STXBP4: variants seen among roughly 807,000 people sequenced by gnomAD.
The protein encoded by STXBP4 is syntaxin binding protein 4, also known as syntaxin-binding protein 4.
STXBP4 carries 55 observed loss-of-function variants against 76.1 expected under a neutral mutation model. The ratio of observed to expected loss-of-function variants is 0.72; its 90% CI spans 0.58 to 0.91. The LOEUF (loss-of-function observed/expected upper bound fraction) is 0.91. STXBP4 is among the 40% of genes least tolerant of loss of function. STXBP4 has a pLI of 0.00. For missense variants in STXBP4, 618 were observed against 636.9 expected (o/e 0.97, Z 0.32); for synonymous variants, 201 against 220.2 (o/e 0.91, Z 0.77).
intron 17 of STXBP4, among the ~76,000 whole-genome samples, chr17:55,159,277 A>T (rs565314001): frequency 2.0e-5 from 3 of 151,296 alleles, no homozygotes; most frequent in African/African-American, 7.4e-5. Flanking sequence ...AATAAATAAA[A>T]ATTTTAAAAA....
chr17:55,109,780 G>A (rs899663607), intron 16 of STXBP4, among the ~76,000 whole-genome samples: 1 of 151,832 alleles, frequency 6.6e-6, no homozygotes, highest in Non-Finnish European at 1.5e-5. Context: ...CAGGATTACA[G>A]GCCGTCACCA....
At chr17:55,212,830 G>T in the STXBP4 span, among the ~76,000 whole-genome samples, 1 of 152,142 alleles carries the variant, frequency 6.6e-6, no homozygotes, top group Non-Finnish European at 1.5e-5. Context: ...AACTGGAGAG[G>T]TGGGGAGAGT....
the STXBP4 span, among the ~76,000 whole-genome samples, chr17:55,211,286 C>A: frequency 6.6e-6 from 1 of 152,110 alleles, no homozygotes; most frequent in African/African-American, 2.4e-5. Context: ...GTCGCCCAGG[C>A]TGGAGTGCAG....
At chr17:55,067,565 T>A (rs2079069273) in intron 12 of STXBP4, among the ~76,000 whole-genome samples, 1 of 152,212 alleles carries the variant, frequency 6.6e-6, no homozygotes, top group African/African-American at 2.4e-5. Flanking sequence ...GTAGGTTGAT[T>A]TGGAATAGGT....
chr17:55,197,476 G>A, the STXBP4 span, among the ~76,000 whole-genome samples: 1 of 152,210 alleles, frequency 6.6e-6, no homozygotes, highest in African/African-American at 2.4e-5. Context: ...AGGCGCTGTG[G>A]CTCACGCCTG....
chr17:55,090,863 G>A (rs200770052), intron 16 of STXBP4, among the ~76,000 whole-genome samples: 1 of 63,822 alleles, frequency 1.6e-5, no homozygotes, highest in South Asian at 5.5e-4. Context: ...GTCTGTGTGT[G>A]TGTGTGTGTG....
In STXBP4 at chr17:55,104,161, A is replaced by T. The variant is rs182939138; in HGVS notation, c.1489+22978A>T. Among the ~76,000 whole-genome samples the T allele has an allele frequency of 3.8e-3, 571 of 152,216 alleles. 5 individuals are homozygous for T. The highest frequency in any genetic ancestry group is 0.013 in the African/African-American group (542 of 41,534). ...TTTCCTAGCCAGAATTTCCAATATT[A>T]TGTTGAATGGGGTGGTGAGAGACGG... is the stretch of plus-strand genomic sequence containing the variant. On this transcript the variant is annotated intron_variant, in intron 16 of 17. Coordinates refer to ENST00000376352, the MANE Select transcript of STXBP4 (RefSeq NM_178509.6).
intron 4 of STXBP4, chr17:54,991,519 A>G (rs1402128559): frequency 6.6e-6 from 1 of 152,148 alleles, no homozygotes; most frequent in Non-Finnish European, 1.5e-5. Context: ...TTTGGTTGGT[A>G]GGAAGCTCAG....
At chr17:55,061,175 CAT>C (rs1248794615) in intron 12 of STXBP4, among the ~76,000 whole-genome samples, 1 of 152,162 alleles carries the variant, frequency 6.6e-6, no homozygotes, top group Non-Finnish European at 1.5e-5. Flanking sequence ...GTGCAGCTGA[CAT>C]GTGAGCTATC....
the STXBP4 span, among the ~76,000 whole-genome samples, chr17:55,192,700 C>T: frequency 6.6e-6 from 1 of 152,204 alleles, no homozygotes; most frequent in Non-Finnish European, 1.5e-5. Context: ...ATTTAGTGCT[C>T]ACAGTCAGCC....
chr17:55,180,389 T>C, the STXBP4 span, among the ~76,000 whole-genome samples: 1 of 152,240 alleles, frequency 6.6e-6, no homozygotes, highest in Non-Finnish European at 1.5e-5. Flanking sequence ...TCAAGTCCAC[T>C]GGTCATCAAA....
At chr17:55,159,675 C>G (rs2080319325) in intron 17 of STXBP4, 122 bp from the exon 18 acceptor site, 1 of 587,590 alleles carries the variant, frequency 1.7e-6, no homozygotes, top group Admixed American at 3.1e-5. Flanking sequence ...GGATCTAGTT[C>G]TAACTGCTTC....
At chr17:55,113,090 A>G (rs2079740170) in intron 16 of STXBP4, among the ~76,000 whole-genome samples, 1 of 152,044 alleles carries the variant, frequency 6.6e-6, no homozygotes, top group African/African-American at 2.4e-5. Flanking sequence ...ACCTCTTAGG[A>G]CCTCTTGGTC....
At chr17:55,130,658 C>G (rs1458352043) in intron 16 of STXBP4, among the ~76,000 whole-genome samples, 2 of 152,168 alleles carry the variant, frequency 1.3e-5, no homozygotes, top group East Asian at 3.9e-4. Context: ...GTACCTTTGA[C>G]CAACATTTCC....
At chr17:55,031,726 C>T (rs1021016860) in intron 9 of STXBP4, among the ~76,000 whole-genome samples, 1 of 152,146 alleles carries the variant, frequency 6.6e-6, no homozygotes, top group African/African-American at 2.4e-5. Flanking sequence ...CAAATCCAGC[C>T]ATACTCAATC....
intron 16 of STXBP4, among the ~76,000 whole-genome samples, chr17:55,139,264 C>A (rs537062570): frequency 1.1e-4 from 16 of 152,196 alleles, no homozygotes; most frequent in African/African-American, 3.6e-4. Flanking sequence ...TCACATGATC[C>A]TGTAGATTAA....
intron 16 of STXBP4, among the ~76,000 whole-genome samples, chr17:55,138,141 T>C (rs2080055987): frequency 6.6e-6 from 1 of 152,140 alleles, no homozygotes; most frequent in Admixed American, 6.6e-5. Flanking sequence ...TCGTGTTCCA[T>C]ATTTTTTTTG....
At chr17:55,192,243 T>C in the STXBP4 span, among the ~76,000 whole-genome samples, 1 of 152,168 alleles carries the variant, frequency 6.6e-6, no homozygotes, top group East Asian at 1.9e-4. Flanking sequence ...AGAGTGTATA[T>C]TTTCAGATGA....
Position 54,992,705 on chromosome 17 carries a change from CTTTT to C in STXBP4, c.180+1768_180+1771del, listed in dbSNP as rs760386476. Among the ~76,000 whole-genome samples, 2 of 96,840 alleles carry C rather than the reference CTTTT, an allele frequency of 2.1e-5. 1 individual carries two copies. The highest frequency in any genetic ancestry group is 7.4e-4 in the South Asian group (2 of 2,716). 63.5% of individuals were successfully genotyped at this position (96,840 alleles called of 152,430 possible). On this transcript the variant is annotated intron_variant, in intron 4 of 17. Coordinates refer to ENST00000376352, the MANE Select transcript of STXBP4 (RefSeq NM_178509.6). ...CCAACAAGTGATAAGAATTTGCTTC[CTTTT>C]TTTTTTTTTTTTTTTTTTTGAGACA...
Sources: allele counts gnomAD v4.1 joint callset (sites outside exome capture counted in the v4.1 genomes callset), GRCh38; gene constraint gnomAD v4.1.1; transcripts MANE v1.5; gene names NCBI Gene and HGNC (gene_info 2026-07-23, HGNC 2026-07-21).